The following DCDC1 variants were observed in gnomAD, a reference collection of about 807,000 sequenced individuals.
DCDC1 encodes the protein doublecortin domain-containing protein 1.
Under a neutral mutation model 178.3 loss-of-function variants are expected in DCDC1, and 200 were observed. The ratio of observed to expected loss-of-function variants is 1.12; its 90% CI spans 1.00 to 1.26. DCDC1 has a LOEUF of 1.26. Ranked by LOEUF, DCDC1 falls within the 50% of genes most tolerant of loss-of-function variation. DCDC1 has a pLI of 0.00. For missense variants in DCDC1, 1,983 were observed against 1,749.2 expected (o/e 1.13, Z -2.38); for synonymous variants, 690 against 604.8 (o/e 1.14, Z -2.07).
chr11:30,923,633 A>C (rs1946406332), intron 23 of DCDC1, among the ~76,000 whole-genome samples: 1 of 150,266 alleles, frequency 6.7e-6, no homozygotes, highest in South Asian at 2.1e-4. Context: ...TATTATTATT[A>C]TTTGAGATGG....
At chr11:31,209,933 G>C (rs1443159402) in intron 9 of DCDC1, among the ~76,000 whole-genome samples, 3 of 152,162 alleles carry the variant, frequency 2.0e-5, no homozygotes, top group Non-Finnish European at 4.4e-5. Context: ...GATGATGTGG[G>C]ACCAGAGAAA....
chr11:30,894,465 A>G, intron 34 of DCDC1, 81 bp from the exon 35 acceptor site: 1 of 1,558,792 alleles, frequency 6.4e-7, no homozygotes, highest in Non-Finnish European at 8.7e-7. Context: ...CTCTCTATGT[A>G]TAAATCGTTC....
At chr11:30,924,776 T>G (rs1349292812) in intron 23 of DCDC1, among the ~76,000 whole-genome samples, 1 of 151,942 alleles carries the variant, frequency 6.6e-6, no homozygotes, top group African/African-American at 2.4e-5. Context: ...TGATGAACAT[T>G]AAGTAGATTA....
At chr11:30,885,960 C>T (rs995667037) in intron 36 of DCDC1, among the ~76,000 whole-genome samples, 1 of 151,942 alleles carries the variant, frequency 6.6e-6, no homozygotes. Flanking sequence ...TAATAGAAAA[C>T]TGGTTGAATA....
intron 9 of DCDC1, among the ~76,000 whole-genome samples, chr11:31,202,775 G>C (rs999762503): frequency 6.6e-6 from 1 of 152,198 alleles, no homozygotes; most frequent in Non-Finnish European, 1.5e-5. Context: ...AGTTTGTTGA[G>C]AGTTTGGGTC....
chr11:30,976,438 C>T (rs1950105818), intron 20 of DCDC1, among the ~76,000 whole-genome samples: 1 of 151,640 alleles, frequency 6.6e-6, no homozygotes, highest in Non-Finnish European at 1.5e-5. Context: ...ATTTGTCTGA[C>T]AAGGGGCTGA....
Position 31,152,404 on chromosome 11 carries a change from T to A in DCDC1, c.1222-14620A>T, listed in dbSNP as rs190502021. Among the ~76,000 whole-genome samples the A allele has an allele frequency of 5.6e-3, 847 of 152,320 alleles. 10 individuals carry two copies. Among genetic ancestry groups the A allele is most frequent in the African/African-American group, 0.019 (803 of 41,582 alleles). On this transcript the variant is annotated intron_variant, in intron 9 of 38. Transcript: ENST00000684477. ...TGATTCTAATGGAAAGCTAAAAGTCTCCACCACAGTGTTGCTCTATGCAGG... is the reference window on the plus strand; with the variant it reads ...TGATTCTAATGGAAAGCTAAAAGTCACCACCACAGTGTTGCTCTATGCAGG...
intron 17 of DCDC1, among the ~76,000 whole-genome samples, chr11:31,082,592 T>C (rs987013947): frequency 2.7e-5 from 3 of 113,134 alleles, no homozygotes; most frequent in Admixed American, 9.0e-5. Context: ...ATGATATAGA[T>C]ATAGATATCT....
At chr11:30,913,449 G>C (rs963614810) in intron 27 of DCDC1, among the ~76,000 whole-genome samples, 3 of 151,936 alleles carry the variant, frequency 2.0e-5, no homozygotes, top group Non-Finnish European at 4.4e-5. Context: ...AAGTCTGTCT[G>C]GGTGTCCCTA....
intron 21 of DCDC1, chr11:30,943,732 C>A (rs2134409068): frequency 7.2e-6 from 3 of 413,848 alleles, no homozygotes; most frequent in South Asian, 5.3e-5. Flanking sequence ...TAAGGCTTTA[C>A]CATATTTAAA....
chr11:31,021,564 G>A (rs1952882186), intron 20 of DCDC1, among the ~76,000 whole-genome samples: 1 of 152,130 alleles, frequency 6.6e-6, no homozygotes, highest in Non-Finnish European at 1.5e-5. Context: ...AAAAATCTCT[G>A]CAAAGATCCA....
chr11:31,059,478 T>C (rs1380774306), intron 20 of DCDC1, among the ~76,000 whole-genome samples: 1 of 152,028 alleles, frequency 6.6e-6, no homozygotes, highest in Non-Finnish European at 1.5e-5. Context: ...TAAAGGCAAA[T>C]GCTTAAAGCT....
Position 31,201,895 on chromosome 11 carries a change from T to C in DCDC1, c.1221+39555A>G, listed in dbSNP as rs568832121. On this transcript the variant is annotated intron_variant, in intron 9 of 38. Coordinates refer to ENST00000684477, the MANE Select transcript of DCDC1 (RefSeq NM_001387274.1). ...TTAAAAGACTGTAGCTCACTGTCAA[T>C]ACACAAGATGTGTCAGAGCTAGCAT... 8.2e-4 allele frequency among the ~76,000 whole-genome samples: 125 copies of C among 152,346 alleles called. No homozygotes were observed. The Middle Eastern group carries it at 0.017, about 21-fold the overall frequency.
At chr11:31,041,123 T>C (rs994956789) in intron 20 of DCDC1, among the ~76,000 whole-genome samples, 3 of 152,238 alleles carry the variant, frequency 2.0e-5, no homozygotes, top group African/African-American at 7.2e-5. Context: ...GTGTCTGTGT[T>C]GTGCACTGTT....
chr11:31,073,728 G>T (rs1956705334), intron 18 of DCDC1, among the ~76,000 whole-genome samples: 1 of 152,144 alleles, frequency 6.6e-6, no homozygotes. Context: ...GTAAGGAAAG[G>T]TAATTCTTAA....
chr11:30,921,623 C>T (rs1172958315), intron 24 of DCDC1, among the ~76,000 whole-genome samples: 1 of 152,144 alleles, frequency 6.6e-6, no homozygotes, highest in Non-Finnish European at 1.5e-5. Context: ...GAAAAACCAT[C>T]ACTCCTGGGC....
chr11:31,058,479 A>C (rs1318958637), intron 20 of DCDC1, among the ~76,000 whole-genome samples: 2 of 152,168 alleles, frequency 1.3e-5, no homozygotes, highest in Non-Finnish European at 2.9e-5. Context: ...AGTATCGTGA[A>C]GAAAAATAAA....
chr11:31,281,343 G>GTTCA (rs71310194), intron 7 of DCDC1, among the ~76,000 whole-genome samples: 39,835 of 151,860 alleles, frequency 0.26, 5,339 homozygotes, highest in African/African-American at 0.32. Context: ...GAGGAAAACA[G>GTTCA]TTCAGTCTTT....
chr11:31,073,493 A>G (rs577594974), intron 18 of DCDC1, among the ~76,000 whole-genome samples: 3 of 152,230 alleles, frequency 2.0e-5, no homozygotes, highest in Non-Finnish European at 4.4e-5. Context: ...GGGTAATATG[A>G]GTCAACTGTG....
Sources: allele counts gnomAD v4.1 joint callset (sites outside exome capture counted in the v4.1 genomes callset), GRCh38; gene constraint gnomAD v4.1.1; transcripts MANE v1.5; gene names NCBI Gene and HGNC (gene_info 2026-07-23, HGNC 2026-07-21).